Variants in MAML3 observed in about 807,000 individuals in gnomAD.
MAML3 encodes mastermind-like protein 3.
MAML3 carries 27 observed loss-of-function variants against 101.9 expected under a neutral mutation model. That is an observed-to-expected ratio of 0.27 (90% CI 0.20 to 0.37). The LOEUF (loss-of-function observed/expected upper bound fraction) is 0.37. Ranked by LOEUF, MAML3 falls within the 10% of genes least tolerant of loss-of-function variation. The pLI is 1.00. For missense variants in MAML3, 1,316 were observed against 1,444.9 expected (o/e 0.91, Z 1.45); for synonymous variants, 501 against 555.9 (o/e 0.90, Z 1.39).
chr4:139,845,945 T>C (rs527466420), intron 2 of MAML3, among the ~76,000 whole-genome samples: 1 of 152,312 alleles, frequency 6.6e-6, no homozygotes, highest in African/African-American at 2.4e-5. Context: ...TTTAACCCCT[T>C]CATCTAGAAT....
chr4:139,724,324 G>GTT (rs904582307), intron 4 of MAML3, among the ~76,000 whole-genome samples: 16 of 152,198 alleles, frequency 1.1e-4, no homozygotes, highest in African/African-American at 3.6e-4. Context: ...TATACATGTG[G>GTT]GTTTAAAACA....
chr4:139,759,501 G>C (rs1729712735), intron 2 of MAML3, among the ~76,000 whole-genome samples: 1 of 152,150 alleles, frequency 6.6e-6, no homozygotes, highest in Non-Finnish European at 1.5e-5. Flanking sequence ...GCTGCTATTA[G>C]GCTGTAGTCC....
intron 1 of MAML3, among the ~76,000 whole-genome samples, chr4:139,972,049 C>CT (rs1354588640): frequency 1.1e-4 from 17 of 151,796 alleles, no homozygotes; most frequent in South Asian, 1.0e-3. Context: ...AAATGCTTTT[C>CT]TTTTTTTTTA....
At chr4:140,070,961 C>T (rs1727641189) in intron 1 of MAML3, among the ~76,000 whole-genome samples, 1 of 152,204 alleles carries the variant, frequency 6.6e-6, no homozygotes, top group African/African-American at 2.4e-5. Flanking sequence ...TGCAATGTGG[C>T]GCTGGGGTCT....
At chr4:140,126,131 A>G (rs1299548805) in intron 1 of MAML3, among the ~76,000 whole-genome samples, 1 of 151,684 alleles carries the variant, frequency 6.6e-6, no homozygotes, top group Non-Finnish European at 1.5e-5. Flanking sequence ...ACCCTCTTTT[A>G]AAAGAGTAAT....
At chr4:140,088,943 C>G (rs916359047) in intron 1 of MAML3, among the ~76,000 whole-genome samples, 2 of 152,258 alleles carry the variant, frequency 1.3e-5, no homozygotes, top group South Asian at 2.1e-4. Flanking sequence ...AACTACGGAA[C>G]CAATTGCTCT....
intron 1 of MAML3, among the ~76,000 whole-genome samples, chr4:140,047,057 G>T (rs1361651974): frequency 2.0e-5 from 3 of 152,156 alleles, no homozygotes; most frequent in Non-Finnish European, 4.4e-5. Context: ...CCGTCTGAGA[G>T]ACTGGGAGAA....
chr4:139,990,131 A>G (rs556835089), intron 1 of MAML3, among the ~76,000 whole-genome samples: 36 of 152,308 alleles, frequency 2.4e-4, no homozygotes, highest in African/African-American at 8.2e-4. Flanking sequence ...CAACCTCTAT[A>G]GAGTCATACA....
chr4:139,737,612 C>CT (rs1339472472), intron 2 of MAML3, among the ~76,000 whole-genome samples: 1 of 151,976 alleles, frequency 6.6e-6, no homozygotes, highest in African/African-American at 2.4e-5. Flanking sequence ...GTGGTATCAA[C>CT]TTTGACATTT....
Position 139,750,390 on chromosome 4 carries a change from T to C in MAML3, c.2080-19723A>G, listed in dbSNP as rs565695925. ...TAGGCGGTGGGTCGTGAGTCCTCCT[T>C]CTGAGGATGGTTCAGCATTTGCTGC... On this transcript the variant is annotated intron_variant, in intron 2 of 4. Transcript: ENST00000509479. Among the ~76,000 whole-genome samples, 11 of 152,312 alleles carry C rather than the reference T, an allele frequency of 7.2e-5. No homozygotes were observed. In the East Asian group the frequency reaches 2.1e-3, roughly 29 times the overall value.
At chr4:140,041,284 G>A (rs572345621) in intron 1 of MAML3, among the ~76,000 whole-genome samples, 1 of 152,150 alleles carries the variant, frequency 6.6e-6, no homozygotes, top group South Asian at 2.1e-4. Context: ...AGACTTCATG[G>A]AGTAGGCCAG....
chr4:140,133,524 C>A (rs556712915), intron 1 of MAML3, among the ~76,000 whole-genome samples: 14 of 152,102 alleles, frequency 9.2e-5, no homozygotes, highest in African/African-American at 3.1e-4. Context: ...AACGAAGCAC[C>A]CTAAAATTCA....
intron 1 of MAML3, among the ~76,000 whole-genome samples, chr4:140,079,119 G>T (rs1727824690): frequency 6.6e-6 from 1 of 152,108 alleles, no homozygotes; most frequent in Non-Finnish European, 1.5e-5. Flanking sequence ...CCCACCACTG[G>T]TAAGGAGACC....
chr4:139,918,923 C>A (rs1451799704), intron 1 of MAML3, among the ~76,000 whole-genome samples: 1 of 152,036 alleles, frequency 6.6e-6, no homozygotes, highest in Non-Finnish European at 1.5e-5. Context: ...TTTGGATTGA[C>A]CCCCAAGAAG....
intron 2 of MAML3, among the ~76,000 whole-genome samples, chr4:139,809,956 T>C (rs1417828605): frequency 6.6e-6 from 1 of 151,356 alleles, no homozygotes; most frequent in Non-Finnish European, 1.5e-5. Context: ...TAAATACAAA[T>C]TGAGGAACCT....
chr4:140,056,724 C>T (rs923903380), intron 1 of MAML3, among the ~76,000 whole-genome samples: 5 of 151,270 alleles, frequency 3.3e-5, no homozygotes, highest in Non-Finnish European at 7.4e-5. Flanking sequence ...GCAGGAGAAT[C>T]GCTTGAACCC....
At chr4:139,797,278 C>T (rs1416671153) in intron 2 of MAML3, among the ~76,000 whole-genome samples, 1 of 152,166 alleles carries the variant, frequency 6.6e-6, no homozygotes, top group African/African-American at 2.4e-5. Context: ...GTGATCCTGA[C>T]CATCTGAGCG....
chr4:140,068,406 A>G (rs1727575252), intron 1 of MAML3, among the ~76,000 whole-genome samples: 1 of 152,210 alleles, frequency 6.6e-6, no homozygotes. Context: ...AGGCACTCAC[A>G]AAGGAATTTT....
intron 1 of MAML3, among the ~76,000 whole-genome samples, chr4:140,025,232 G>T (rs1339351611): frequency 6.6e-6 from 1 of 152,128 alleles, no homozygotes; most frequent in Non-Finnish European, 1.5e-5. Context: ...TGTTAGGCTT[G>T]ATAATAGCAT....
Sources: allele counts gnomAD v4.1 joint callset (sites outside exome capture counted in the v4.1 genomes callset), GRCh38; gene constraint gnomAD v4.1.1; transcripts MANE v1.5; gene names NCBI Gene and HGNC (gene_info 2026-07-23, HGNC 2026-07-21).